SH3TC2: variants seen among roughly 807,000 people sequenced by gnomAD.
The protein encoded by SH3TC2 is SH3 domain and tetratricopeptide repeat-containing protein 2.
Under a neutral mutation model 124.5 loss-of-function variants are expected in SH3TC2, and 87 were observed. The ratio of observed to expected loss-of-function variants is 0.70; its 90% CI spans 0.59 to 0.84. The LOEUF is 0.84. Among genes scored for constraint, SH3TC2 ranks in the 40% least tolerant of loss-of-function variants. The pLI is 0.00. For synonymous variants in SH3TC2, 634 were observed against 628.5 expected (o/e 1.01, Z -0.13); for missense variants, 1,536 against 1,566.4 (o/e 0.98, Z 0.33).
At chr5:149,041,688 T>C in intron 5 of SH3TC2, 71 bp from the exon 6 acceptor site, 1 of 1,513,476 alleles carries the variant, frequency 6.6e-7, no homozygotes, top group Non-Finnish European at 9.2e-7. Flanking sequence ...TCACACAAAG[T>C]AATGCTTCTA....
chr5:149,019,848 A>C (rs1169161760), intron 12 of SH3TC2, among the ~76,000 whole-genome samples: 8 of 152,178 alleles, frequency 5.3e-5, no homozygotes. Flanking sequence ...TGGAAAAACC[A>C]GCAACCTAGC....
At chr5:149,032,650 T>C (rs945862712) in intron 8 of SH3TC2, among the ~76,000 whole-genome samples, 2 of 152,220 alleles carry the variant, frequency 1.3e-5, no homozygotes, top group African/African-American at 4.8e-5. Flanking sequence ...TTATCCTTTT[T>C]ACAGACGAAT....
chr5:149,019,393 G>C (rs1394454253), intron 12 of SH3TC2, among the ~76,000 whole-genome samples: 1 of 152,084 alleles, frequency 6.6e-6, no homozygotes, highest in Non-Finnish European at 1.5e-5. Flanking sequence ...TTCTGCAAAG[G>C]GACAATGACC....
chr5:149,010,145 C>T (rs1693486070), intron 14 of SH3TC2, 125 bp downstream of exon 14: 2 of 1,378,934 alleles, frequency 1.5e-6, no homozygotes, highest in East Asian at 4.7e-5. Context: ...GGGCACTGGA[C>T]AAGAAAGAGA....
intron 1 of SH3TC2, among the ~76,000 whole-genome samples, chr5:149,059,234 CA>C (rs1754703756): frequency 2.0e-5 from 3 of 152,072 alleles, no homozygotes; most frequent in Admixed American, 6.5e-5. Context: ...AGCAAATTAA[CA>C]AAAGCGCCAG....
rs1554121674 is a variant in SH3TC2, at chr5:149,027,773, C to G, written c.1959G>C (p.Leu653=). 6.2e-7 allele frequency: 1 copy of G among 1,613,858 alleles called. No individual in the cohort carries two copies. The highest frequency in any genetic ancestry group is 8.5e-7 in the Non-Finnish European group (1 of 1,179,992). Residue 653 remains leucine, a synonymous_variant, in exon 11 of 17, where the codon CTG becomes CTC. Coordinates refer to ENST00000515425, the MANE Select transcript of SH3TC2 (RefSeq NM_024577.4). ...GGAGCTGCAGGCGCTCGGCAAAGGG[C>G]AGGACCTCCTCGTGCCGGCCTAGGC... ...LLSLGRHEEV[L]PFAERLQLLS...
rs1029890378 is a variant in SH3TC2, at chr5:149,026,737, G to A, written c.2888C>T (p.Thr963Ile). 16 of 1,614,216 alleles carry A rather than the reference G, an allele frequency of 9.9e-6. No homozygotes were observed. Among genetic ancestry groups the A allele is most frequent in the Non-Finnish European group, 1.4e-5 (16 of 1,180,036 alleles). ...HRHLKSQLQA[T>I]KSLCHFYSSV... ...GCTGTAGAAATGGCAGAGGGATTTG[G>A]TGGCCTGAAGCTGACCTGAACACAA... The change falls in exon 12 of 17, where the codon ACC becomes ATC. Residue 963 changes from threonine (T) to isoleucine (I), a missense_variant. Physicochemically the swap from Thr to Ile is moderately conservative, Grantham distance 89. Coordinates refer to ENST00000515425, the MANE Select transcript of SH3TC2 (RefSeq NM_024577.4).
intron 14 of SH3TC2, 30 bp from the exon 15 acceptor site, chr5:149,009,031 C>T: frequency 6.2e-7 from 1 of 1,613,900 alleles, no homozygotes; most frequent in Non-Finnish European, 8.5e-7. Context: ...GAACCTTAGT[C>T]TAGCTAGGAA....
Position 148,989,601 on chromosome 5 carries a change from G to A in SH3TC2, c.*15110C>T, listed in dbSNP as rs1753390456. ...GGATTGCAAAGTGTTGACATTTTCA[G>A]ACCACCTATGTATATTGCTGCAGAT... is the stretch of plus-strand genomic sequence containing the variant. On this transcript the variant is annotated 3_prime_UTR_variant, in exon 17 of 17. Coordinates refer to ENST00000515425, the MANE Select transcript of SH3TC2 (RefSeq NM_024577.4). Among the ~76,000 whole-genome samples, 1 of 152,216 alleles carries A rather than the reference G, an allele frequency of 6.6e-6. No homozygotes were observed. The highest frequency in any genetic ancestry group is 2.1e-4 in the South Asian group (1 of 4,826).
At chr5:149,046,056 C>A in intron 3 of SH3TC2, 2 of 323,834 alleles carry the variant, frequency 6.2e-6, no homozygotes, top group Admixed American at 3.8e-5. Context: ...TAACAAGTGA[C>A]GGTCAGAACA....
At chr5:149,020,835 G>A (rs1278721315) in intron 12 of SH3TC2, among the ~76,000 whole-genome samples, 2 of 152,100 alleles carry the variant, frequency 1.3e-5, no homozygotes, top group African/African-American at 2.4e-5. Context: ...GGAAGGGAGA[G>A]ATAGACAACT....
chr5:149,060,838 C>G (rs2127405514), intron 1 of SH3TC2, among the ~76,000 whole-genome samples: 1 of 152,260 alleles, frequency 6.6e-6, no homozygotes, highest in East Asian at 1.9e-4. Flanking sequence ...TAAGTACCAC[C>G]ATTAGATACA....
At chr5:149,036,295 C>A (rs1456729567) in intron 8 of SH3TC2, among the ~76,000 whole-genome samples, 2 of 152,134 alleles carry the variant, frequency 1.3e-5, no homozygotes, top group Non-Finnish European at 2.9e-5. Context: ...GAAGACCTAC[C>A]AATGGCCAGT....
At position 149,027,786 on chromosome 5, in the gene SH3TC2, T is replaced by C. The variant is rs760422780; in HGVS notation, c.1946A>G (p.His649Arg). ...CTCGGCAAAGGGCAGGACCTCCTCGTGCCGGCCTAGGCTCAGGAGCAAGCG... is the reference window on the plus strand; with the variant it reads ...CTCGGCAAAGGGCAGGACCTCCTCGCGCCGGCCTAGGCTCAGGAGCAAGCG... ...AIRLLLSLGR[H>R]EEVLPFAERL... Residue 649 changes from histidine (H) to arginine (R), a missense_variant, in exon 11 of 17, where the codon CAC becomes CGC. This residue lies in a region of SH3TC2 where 1,102 missense variants were observed against 1,098.6 expected (regional missense o/e 1.00). Coordinates refer to ENST00000515425, the MANE Select transcript of SH3TC2 (RefSeq NM_024577.4). 9 of 1,613,816 alleles carry C rather than the reference T, an allele frequency of 5.6e-6. No individual in the cohort carries two copies. Among genetic ancestry groups the C allele is most frequent in the Non-Finnish European group, 6.8e-6 (8 of 1,179,994 alleles).
chr5:149,012,700 T>C lies in SH3TC2; in HGVS notation c.3088A>G (p.Ser1030Gly), dbSNP rs1439812627. ...CCCAGGTCAATGAAGATACGCAGGC[T>C]CTCCTTGATGCATGTGAGTGACCTC... ...LRRSLTCIKESLRIFIDLGET... is the reference protein window; with the variant it reads ...LRRSLTCIKEGLRIFIDLGET... Residue 1030 changes from serine (S) to glycine (G), a missense_variant, in exon 13 of 17, where the codon AGC (serine) becomes GGC (glycine). This residue lies in a region of SH3TC2 where 426 missense variants were observed against 443.5 expected (regional missense o/e 0.96). Transcript: ENST00000515425. The C allele has an allele frequency of 6.2e-7, 1 of 1,614,080 alleles. No homozygotes were observed. Among genetic ancestry groups the C allele is most frequent in the South Asian group, 1.1e-5 (1 of 91,058 alleles).
rs542529184 is a variant in SH3TC2 at position 148,983,172 on chromosome 5, A to G, written c.*21539T>C. ...GCTTAAAGCACATGCTGTATAAAAC[A>G]TGTCCTGTTAAAAGCATTTTGAGTA... On this transcript the variant is annotated 3_prime_UTR_variant, in exon 17 of 17. Coordinates refer to ENST00000515425, the MANE Select transcript of SH3TC2 (RefSeq NM_024577.4). Among the ~76,000 whole-genome samples, 74 of 152,260 alleles carry G rather than the reference A, an allele frequency of 4.9e-4. No individual in the cohort carries two copies. Among genetic ancestry groups the G allele is most frequent in the Admixed American group, 7.2e-4 (11 of 15,290 alleles).
At chr5:149,005,550 T>C (rs1753672804) in intron 16 of SH3TC2, among the ~76,000 whole-genome samples, 1 of 152,144 alleles carries the variant, frequency 6.6e-6, no homozygotes, top group Admixed American at 6.5e-5. Flanking sequence ...GTTGACATGA[T>C]CAGATCACAC....
Position 148,995,578 on chromosome 5 carries a change from A to T in SH3TC2, c.*9133T>A, listed in dbSNP as rs150078975. On this transcript the variant is annotated 3_prime_UTR_variant, in exon 17 of 17. Coordinates refer to ENST00000515425, the MANE Select transcript of SH3TC2 (RefSeq NM_024577.4). ...TGCTATATATGTGAGCAGCCCTATC[A>T]CCTGATTTCTCAATCACTCATGAGC... Among the ~76,000 whole-genome samples, 4 of 152,328 alleles carry T rather than the reference A, an allele frequency of 2.6e-5. No individual in the cohort carries two copies. In the East Asian group the frequency reaches 7.7e-4, roughly 29 times the overall value.
At chr5:149,009,034 G>C (rs768877252) in intron 14 of SH3TC2, 33 bp from the exon 15 acceptor site, 2 of 1,613,842 alleles carry the variant, frequency 1.2e-6, no homozygotes, top group Non-Finnish European at 1.7e-6. Context: ...CCTTAGTCTA[G>C]CTAGGAATCC....
Sources: allele counts gnomAD v4.1 joint callset (sites outside exome capture counted in the v4.1 genomes callset), GRCh38; gene constraint gnomAD v4.1.1; regional missense constraint gnomAD v4.1.1; transcripts MANE v1.5; gene names NCBI Gene and HGNC (gene_info 2026-07-23, HGNC 2026-07-21).